The following SHCBP1 variants were observed in gnomAD, a reference collection of about 807,000 sequenced individuals.
The protein encoded by SHCBP1 is SHC binding and spindle associated 1.
In SHCBP1, 60 loss-of-function variants were observed where a neutral mutation model predicts 75.1. The observed-to-expected ratio is 0.80, with a 90% CI of 0.65 to 0.99. The LOEUF (loss-of-function observed/expected upper bound fraction) is 0.99. Ranked by LOEUF, SHCBP1 falls within the 50% of genes least tolerant of loss-of-function variation. The pLI is 0.00. For synonymous variants in SHCBP1, 290 were observed against 293.2 expected (o/e 0.99, Z 0.11); for missense variants, 709 against 809.4 (o/e 0.88, Z 1.50).
At chr16:46,582,551 G>C (rs145383439) in intron 12 of SHCBP1, among the ~76,000 whole-genome samples, 4 of 152,294 alleles carry the variant, frequency 2.6e-5, no homozygotes, top group East Asian at 1.9e-4. Flanking sequence ...TTGCTGAGAT[G>C]GGGGGGCCAT....
At position 46,578,610 on chromosome 16, in the gene SHCBP1, A is replaced by AT. The variant is rs955909065; in HGVS notation, c.*3118dup. On this transcript the variant is annotated 3_prime_UTR_variant, in exon 13 of 13. Transcript: ENST00000303383. ...CACCTGTTTTGTTTTTAAAATATATATTTTTTTCTATTAATAGTGAGAACT... is the reference window on the plus strand; with the variant it reads ...CACCTGTTTTGTTTTTAAAATATATATTTTTTTTCTATTAATAGTGAGAACT... 3.9e-5 allele frequency among the ~76,000 whole-genome samples: 6 copies of AT among 152,036 alleles called. No homozygotes were observed. Among genetic ancestry groups the AT allele is most frequent in the Admixed American group, 1.3e-4 (2 of 15,266 alleles).
In SHCBP1 at chr16:46,579,688, A is replaced by T. The variant is rs1596664685; in HGVS notation, c.*2041T>A. Among the ~76,000 whole-genome samples, 1 of 150,968 alleles carries T rather than the reference A, an allele frequency of 6.6e-6. No individual in the cohort carries two copies. Among genetic ancestry groups the T allele is most frequent in the Non-Finnish European group, 1.5e-5 (1 of 67,618 alleles). ...CGTGGCTCATGCCTGTAATCCCAGCACTTTGGGAGGCCAAGGTGGGTGGAT... is the reference window on the plus strand; with the variant it reads ...CGTGGCTCATGCCTGTAATCCCAGCTCTTTGGGAGGCCAAGGTGGGTGGAT... On this transcript the variant is annotated 3_prime_UTR_variant, in exon 13 of 13. Transcript: ENST00000303383.
At chr16:46,593,303 T>C (rs1299906275) in intron 10 of SHCBP1, among the ~76,000 whole-genome samples, 2 of 152,206 alleles carry the variant, frequency 1.3e-5, no homozygotes, top group Admixed American at 1.3e-4. Context: ...ATTATATTTC[T>C]ATATACTAGC....
chr16:46,595,499 T>C (rs199534171), intron 10 of SHCBP1, 53 bp downstream of exon 10: 3 of 1,351,878 alleles, frequency 2.2e-6, no homozygotes, highest in Non-Finnish European at 3.2e-6. Flanking sequence ...ATTTCATATA[T>C]TCATTTACAA....
chr16:46,596,857 A>G lies in SHCBP1; in HGVS notation c.1346-1187T>C, dbSNP rs1292779233. 4.6e-5 allele frequency among the ~76,000 whole-genome samples: 7 copies of G among 151,484 alleles called. No homozygotes were observed. In the East Asian group the frequency reaches 1.4e-3, roughly 30 times the overall value. On this transcript the variant is annotated intron_variant, in intron 9 of 12. Coordinates refer to ENST00000303383, the MANE Select transcript of SHCBP1 (RefSeq NM_024745.5). The stretch of plus-strand genomic sequence containing the variant: ...ATTCTCCTGCTTCAGCCTCCAGAGT[A>G]GATGGCATCATAGGCGTGTATCACC...
chr16:46,591,493 A>G (rs1193796092), intron 10 of SHCBP1, among the ~76,000 whole-genome samples: 1 of 152,194 alleles, frequency 6.6e-6, no homozygotes. Flanking sequence ...GCATACACCA[A>G]ACAGAACTGC....
chr16:46,594,705 A>G (rs538403606), intron 10 of SHCBP1, among the ~76,000 whole-genome samples: 2 of 152,254 alleles, frequency 1.3e-5, no homozygotes, highest in Non-Finnish European at 2.9e-5. Context: ...AAACCTAAAC[A>G]TGCAACTACT....
chr16:46,609,937 C>T (rs1364918550), intron 4 of SHCBP1, among the ~76,000 whole-genome samples: 1 of 151,448 alleles, frequency 6.6e-6, no homozygotes, highest in Non-Finnish European at 1.5e-5. Context: ...TCTCCTCCCC[C>T]ACCATCTTGA....
Position 46,616,271 on chromosome 16 carries a change from C to A in SHCBP1, c.388-117G>T, listed in dbSNP as rs567792884. 4.1e-6 allele frequency: 4 copies of A among 971,756 alleles called. No individual in the cohort carries two copies. In the African/African-American group the frequency reaches 6.5e-5, roughly 16 times the overall value. 60.2% of individuals were successfully genotyped at this position (971,756 alleles called of 1,614,324 possible). ...ATACAACATGGGTGGGGAGGCTTTACCCATAATATAAAGGATGAACAAGAC... is the reference window on the plus strand; with the variant it reads ...ATACAACATGGGTGGGGAGGCTTTAACCATAATATAAAGGATGAACAAGAC... On this transcript the variant is annotated intron_variant, in intron 3 of 12. Transcript: ENST00000303383. The surrounding 1 kb of genome is among the most constrained non-coding windows in gnomAD (Gnocchi z 4.4).
At chr16:46,597,950 A>G (rs1965169023) in intron 9 of SHCBP1, among the ~76,000 whole-genome samples, 1 of 152,240 alleles carries the variant, frequency 6.6e-6, no homozygotes, top group South Asian at 2.1e-4. Flanking sequence ...TCGCTCATCC[A>G]TAAGAAGCAA....
chr16:46,600,135 G>A (rs1965210336), intron 8 of SHCBP1, among the ~76,000 whole-genome samples, 173 bp from the exon 9 acceptor site: 1 of 152,160 alleles, frequency 6.6e-6, no homozygotes, highest in African/African-American at 2.4e-5. Flanking sequence ...ATTTAAATCA[G>A]GGTATCCAAT....
At chr16:46,590,558 A>G (rs932026717) in intron 10 of SHCBP1, among the ~76,000 whole-genome samples, 13 of 152,240 alleles carry the variant, frequency 8.5e-5, no homozygotes, top group African/African-American at 2.9e-4. Context: ...CAACAGACAC[A>G]TGAAAAAATG....
chr16:46,603,305 T>G (rs1965271448), intron 8 of SHCBP1, among the ~76,000 whole-genome samples: 2 of 152,188 alleles, frequency 1.3e-5, no homozygotes, highest in Non-Finnish European at 1.5e-5. Context: ...TTTTTCTATA[T>G]GAGCCTGTGA....
At chr16:46,618,705 G>C (rs769208572) in intron 1 of SHCBP1, among the ~76,000 whole-genome samples, 1 of 152,104 alleles carries the variant, frequency 6.6e-6, no homozygotes, top group Non-Finnish European at 1.5e-5. Flanking sequence ...GCAGTGGTGC[G>C]ATCATAGCTC....
chr16:46,599,744 C>T, intron 9 of SHCBP1, 87 bp downstream of exon 9: 3 of 1,063,076 alleles, frequency 2.8e-6, no homozygotes, highest in South Asian at 2.0e-5. Flanking sequence ...TCAAGAGTGG[C>T]ATTTCATTAA....
In SHCBP1 at chr16:46,616,861, A is replaced by C. The variant is rs1417575273; in HGVS notation, c.388-707T>G. ...TGAATAGGCCTGAACTTCAACCAAA[A>C]AATATTAGCACAATCCAAAATTTTA... On this transcript the variant is annotated intron_variant, in intron 3 of 12. Coordinates refer to ENST00000303383, the MANE Select transcript of SHCBP1 (RefSeq NM_024745.5). This position sits in a 1 kb window ranked among gnomAD's most constrained non-coding sequence, Gnocchi z 4.4. 6.6e-6 allele frequency among the ~76,000 whole-genome samples: 1 copy of C among 152,190 alleles called. No individual in the cohort carries two copies. Among genetic ancestry groups the C allele is most frequent in the Non-Finnish European group, 1.5e-5 (1 of 68,034 alleles).
chr16:46,614,189 C>T (rs1366608427), intron 4 of SHCBP1, among the ~76,000 whole-genome samples: 1 of 152,102 alleles, frequency 6.6e-6, no homozygotes, highest in Non-Finnish European at 1.5e-5. Context: ...GTTAAATGTT[C>T]TTGCATACAA....
Position 46,583,994 on chromosome 16 carries a change from G to GA in SHCBP1, c.1551+8dup, listed in dbSNP as rs1351217609. 6.3e-7 allele frequency: 1 copy of GA among 1,599,128 alleles called. No individual in the cohort carries two copies. The highest frequency in any genetic ancestry group is 1.3e-5 in the African/African-American group (1 of 74,834). ...CCATTGAAAAGTGGGTGTTTTGGCT[G>GA]ATGCTCACCTTAATGAGGATCCCTT... On this transcript the variant is annotated intron_variant, in intron 11 of 12. Coordinates refer to ENST00000303383, the MANE Select transcript of SHCBP1 (RefSeq NM_024745.5).
intron 8 of SHCBP1, among the ~76,000 whole-genome samples, chr16:46,603,151 C>T (rs914721261): frequency 6.6e-6 from 1 of 152,114 alleles, no homozygotes; most frequent in Non-Finnish European, 1.5e-5. Context: ...TCTGCAACAT[C>T]TATGAGATAA....
Sources: allele counts gnomAD v4.1 joint callset (sites outside exome capture counted in the v4.1 genomes callset), GRCh38; gene constraint gnomAD v4.1.1; non-coding constraint Gnocchi (gnomAD v3.1); transcripts MANE v1.5; gene names NCBI Gene and HGNC (gene_info 2026-07-23, HGNC 2026-07-21).